BCAR3: variants seen among roughly 807,000 people sequenced by gnomAD.
BCAR3 encodes the protein breast cancer anti-estrogen resistance protein 3.
BCAR3 carries 37 observed loss-of-function variants against 80.1 expected under a neutral mutation model. That is an observed-to-expected ratio of 0.46 (90% CI 0.36 to 0.61). BCAR3 has a LOEUF of 0.61. BCAR3 is among the 20% of genes least tolerant of loss of function. BCAR3 has a pLI of 0.00. For missense variants in BCAR3, 978 were observed against 1,068.2 expected (o/e 0.92, Z 1.18); for synonymous variants, 389 against 418.9 (o/e 0.93, Z 0.87).
At chr1:93,639,766 C>T (rs564151882) in intron 3 of BCAR3, among the ~76,000 whole-genome samples, 6 of 151,700 alleles carry the variant, frequency 4.0e-5, no homozygotes, top group Non-Finnish European at 5.9e-5. Context: ...TGTGAGCCAC[C>T]GCACCCAGCA....
chr1:93,588,747 AT>A (rs1239370094), intron 5 of BCAR3, among the ~76,000 whole-genome samples: 2 of 149,938 alleles, frequency 1.3e-5, no homozygotes, highest in African/African-American at 4.9e-5. Flanking sequence ...TTCACAAGGT[AT>A]CCCCATCAGC....
chr1:93,821,580 C>T (rs879372840), intron 2 of BCAR3, among the ~76,000 whole-genome samples: 2 of 152,114 alleles, frequency 1.3e-5, no homozygotes, highest in East Asian at 1.9e-4. Context: ...AGTGAGCAAA[C>T]GTCTTGGAAT....
intron 3 of BCAR3, among the ~76,000 whole-genome samples, chr1:93,630,619 GC>G (rs1301794582): frequency 6.6e-6 from 1 of 152,146 alleles, no homozygotes; most frequent in African/African-American, 2.4e-5. Flanking sequence ...GGGTGACAAA[GC>G]CAGACCTTGT....
At chr1:93,653,138 G>C (rs1026445003) in intron 2 of BCAR3, among the ~76,000 whole-genome samples, 1 of 152,324 alleles carries the variant, frequency 6.6e-6, no homozygotes, top group South Asian at 2.1e-4. Flanking sequence ...AAGGTTACTT[G>C]TCAGTCTTAA....
intron 2 of BCAR3, among the ~76,000 whole-genome samples, chr1:93,756,877 C>T (rs1412464854): frequency 6.6e-6 from 1 of 152,144 alleles, no homozygotes; most frequent in Non-Finnish European, 1.5e-5. Flanking sequence ...GTGCCAAGTG[C>T]TATGTAATGG....
chr1:93,654,570 G>A (rs764164728), intron 2 of BCAR3, among the ~76,000 whole-genome samples: 1 of 152,190 alleles, frequency 6.6e-6, no homozygotes, highest in Non-Finnish European at 1.5e-5. Flanking sequence ...AAACCGTGAG[G>A]TAATGAATGG....
At chr1:93,744,641 G>A (rs539034476) in intron 2 of BCAR3, among the ~76,000 whole-genome samples, 2 of 152,298 alleles carry the variant, frequency 1.3e-5, no homozygotes, top group South Asian at 2.1e-4. Flanking sequence ...CCCATGAAAC[G>A]TTTGTCTTTC....
Position 93,589,295 on chromosome 1 carries a change from G to A in BCAR3, c.611C>T (p.Thr204Ile). 6.2e-7 allele frequency: 1 copy of A among 1,614,198 alleles called. No individual in the cohort carries two copies. Among genetic ancestry groups the A allele is most frequent in the Non-Finnish European group, 8.5e-7 (1 of 1,180,042 alleles). ...GTAGGCCTCGCTGAGTCGCAGAACTGTCCGGTTGATTTTGAAGTGCTGAGC... is the reference window on the plus strand; with the variant it reads ...GTAGGCCTCGCTGAGTCGCAGAACTATCCGGTTGATTTTGAAGTGCTGAGC... Reference protein sequence around the residue: ...NLAQHFKINRTVLRLSEAYSR... With the variant: ...NLAQHFKINRIVLRLSEAYSR... Residue 204 changes from threonine to isoleucine, a missense_variant, in exon 5 of 12, where the codon ACA (threonine) becomes ATA (isoleucine). Coordinates refer to ENST00000260502, the MANE Select transcript of BCAR3 (RefSeq NM_003567.4).
rs962197778 is a variant in BCAR3 at position 93,588,364 on chromosome 1, C to T, written c.929+613G>A. Among the ~76,000 whole-genome samples, 11 of 152,204 alleles carry T rather than the reference C, an allele frequency of 7.2e-5. No homozygotes were observed. The East Asian group carries it at 1.2e-3, about 16-fold the overall frequency. On this transcript the variant is annotated intron_variant, in intron 5 of 11. Transcript: ENST00000260502. ...TCTCCCTCCACTCCACTCCTGCAGC[C>T]GGGGCCCTCCATGACTCACTAACTG...
chr1:93,777,372 TTCC>T (rs372214563), intron 2 of BCAR3, among the ~76,000 whole-genome samples: 10,634 of 143,280 alleles, frequency 0.074, 480 homozygotes, highest in South Asian at 0.094. Context: ...CTTCTTCTTC[TTCC>T]TCCTCTTCTT....
At chr1:93,635,752 C>T (rs771864572) in intron 3 of BCAR3, among the ~76,000 whole-genome samples, 2 of 152,322 alleles carry the variant, frequency 1.3e-5, no homozygotes, top group African/African-American at 2.4e-5. Flanking sequence ...GCCAGCCAAT[C>T]GGCCCATTAT....
chr1:93,769,143 G>A (rs115486348), intron 2 of BCAR3, among the ~76,000 whole-genome samples: 2,374 of 152,208 alleles, frequency 0.016, 56 homozygotes, highest in African/African-American at 0.054. Context: ...ATAACTTCCC[G>A]AAAAGCACAG....
chr1:93,768,766 C>G (rs989502442), intron 2 of BCAR3, among the ~76,000 whole-genome samples: 3 of 152,096 alleles, frequency 2.0e-5, no homozygotes, highest in Non-Finnish European at 4.4e-5. Flanking sequence ...CCTCTCATTT[C>G]GTGGAGATAA....
intron 9 of BCAR3, among the ~76,000 whole-genome samples, chr1:93,570,122 T>C (rs1673149084): frequency 6.6e-6 from 1 of 152,122 alleles, no homozygotes; most frequent in Non-Finnish European, 1.5e-5. Flanking sequence ...GCTTCTGAAA[T>C]ATAATTAGAA....
At chr1:93,615,269 C>A (rs980356482) in intron 3 of BCAR3, among the ~76,000 whole-genome samples, 1 of 152,152 alleles carries the variant, frequency 6.6e-6, no homozygotes, top group South Asian at 2.1e-4. Context: ...CCTCGGGAGA[C>A]CTTGGCCTTT....
intron 2 of BCAR3, among the ~76,000 whole-genome samples, chr1:93,717,468 T>C (rs1650228194): frequency 6.6e-6 from 1 of 152,194 alleles, no homozygotes. Flanking sequence ...CTCACGCCTG[T>C]AATCCCAGCA....
Position 93,727,785 on chromosome 1 carries a change from T to C in BCAR3, c.-62-21643A>G, listed in dbSNP as rs573102724. Among the ~76,000 whole-genome samples the C allele has an allele frequency of 4.6e-5, 7 of 152,362 alleles. No homozygotes were observed. The East Asian group carries it at 1.2e-3, about 25-fold the overall frequency. On this transcript the variant is annotated intron_variant, in intron 2 of 13. Transcript: ENST00000370244. ...TTGGTGTATGCAGCAGGTTGAATAG[T>C]GGCCCCCCCAAAAGACACATCCACT...
intron 2 of BCAR3, among the ~76,000 whole-genome samples, chr1:93,722,006 C>T (rs542202099): frequency 1.3e-5 from 2 of 152,356 alleles, no homozygotes; most frequent in Admixed American, 6.5e-5. Context: ...CCCCAAATCA[C>T]AGAAGCAGAC....
intron 2 of BCAR3, among the ~76,000 whole-genome samples, chr1:93,715,126 T>C (rs1158406534): frequency 1.3e-5 from 2 of 152,222 alleles, no homozygotes; most frequent in Non-Finnish European, 2.9e-5. Context: ...AAAAATGGAA[T>C]AAAATTACAA....
Sources: allele counts gnomAD v4.1 joint callset (sites outside exome capture counted in the v4.1 genomes callset), GRCh38; gene constraint gnomAD v4.1.1; transcripts MANE v1.5; gene names NCBI Gene and HGNC (gene_info 2026-07-23, HGNC 2026-07-21).